Variants in WDPCP observed in about 807,000 individuals in gnomAD.
WDPCP encodes the protein WD repeat containing planar cell polarity effector, also known as WD repeat-containing and planar cell polarity effector protein fritz homolog.
In WDPCP, 71 loss-of-function variants were observed where a neutral mutation model predicts 93.1. The observed-to-expected ratio is 0.76, with a 90% CI of 0.63 to 0.93. WDPCP has a LOEUF of 0.93. Among genes scored for constraint, WDPCP ranks in the 40% least tolerant of loss-of-function variants. The pLI is 0.00. For synonymous variants in WDPCP, 315 were observed against 315.0 expected, an observed-to-expected ratio of 1.00 and a Z score of 0.00; for missense variants, 844 against 887.4, an observed-to-expected ratio of 0.95 and a Z score of 0.62.
chr2:63,324,766 G>A (rs532760193), intron 12 of WDPCP, among the ~76,000 whole-genome samples: 3 of 152,280 alleles, frequency 2.0e-5, no homozygotes, highest in South Asian at 4.2e-4. Flanking sequence ...GATCCCCACT[G>A]GGACCTCAAC....
rs184860173 is a variant in WDPCP, at chr2:63,566,088, C to G, written c.75+22109G>C. ...CAACCTCAAATTCTCCGAGAATTCC[C>G]ATCCATTTCCCTTTACTTGGTTTGC... On this transcript the variant is annotated intron_variant, in intron 1 of 17. Coordinates refer to ENST00000272321, the MANE Select transcript of WDPCP (RefSeq NM_015910.7). Among the ~76,000 whole-genome samples, 624 of 152,250 alleles carry G rather than the reference C, an allele frequency of 4.1e-3. 18 individuals are homozygous for G. Among genetic ancestry groups the G allele is most frequent in the Non-Finnish European group, 1.2e-3 (83 of 68,014 alleles).
At position 63,808,516 on chromosome 2, in the gene WDPCP, G is replaced by GT. The variant is rs960993971; in HGVS notation, n.308+5105dup. Among the ~76,000 whole-genome samples, 68 of 152,288 alleles carry GT rather than the reference G, an allele frequency of 4.5e-4. 1 individual carries two copies. The highest frequency in any genetic ancestry group is 1.5e-3 in the African/African-American group (64 of 41,562). ...GCTGCCACGCCTGACTGGTTTTCGT[G>GT]TTTTTTTGGTGGAGACGGGGTTTCG... On this transcript the variant is annotated intron_variant and non_coding_transcript_variant, in intron 2 of 4. Transcript: ENST00000467687.
chr2:63,491,636 G>C (rs1294013706), intron 2 of WDPCP, among the ~76,000 whole-genome samples: 2 of 152,118 alleles, frequency 1.3e-5, no homozygotes, highest in African/African-American at 2.4e-5. Context: ...CAGTTCAGCA[G>C]GTCGTCTTCT....
intron 1 of WDPCP, among the ~76,000 whole-genome samples, chr2:63,580,754 G>A (rs893494311): frequency 1.3e-5 from 2 of 152,176 alleles, no homozygotes; most frequent in African/African-American, 4.8e-5. Flanking sequence ...AACTGGCAGC[G>A]TGTCAACAGG....
intron 2 of WDPCP, among the ~76,000 whole-genome samples, chr2:63,735,643 C>G (rs975506738): frequency 6.6e-6 from 1 of 151,812 alleles, no homozygotes; most frequent in Admixed American, 6.6e-5. Context: ...TAAAAAGGGT[C>G]GGAGGAAGGG....
At chr2:63,659,560 A>G (rs1710204098) in intron 2 of WDPCP, among the ~76,000 whole-genome samples, 1 of 152,136 alleles carries the variant, frequency 6.6e-6, no homozygotes, top group Non-Finnish European at 1.5e-5. Flanking sequence ...GCAGCTACAA[A>G]CCAAAAAAGG....
At chr2:63,676,649 A>C (rs1710406194) in intron 2 of WDPCP, among the ~76,000 whole-genome samples, 1 of 152,202 alleles carries the variant, frequency 6.6e-6, no homozygotes. Context: ...AGAACAGATC[A>C]GTGGTTGCTA....
At chr2:63,212,284 C>A (rs957189982) in intron 14 of WDPCP, among the ~76,000 whole-genome samples, 1 of 152,198 alleles carries the variant, frequency 6.6e-6, no homozygotes, top group Non-Finnish European at 1.5e-5. Context: ...AGAAACTCTA[C>A]AAGCCAGAAG....
intron 1 of WDPCP, among the ~76,000 whole-genome samples, chr2:63,534,197 T>G (rs937413469): frequency 9.2e-5 from 14 of 152,116 alleles, no homozygotes; most frequent in African/African-American, 3.4e-4. Flanking sequence ...AATAACAGGC[T>G]CTGAAATTGA....
At chr2:63,384,646 G>A (rs1196636744) in intron 10 of WDPCP, among the ~76,000 whole-genome samples, 2 of 151,878 alleles carry the variant, frequency 1.3e-5, no homozygotes, top group African/African-American at 2.4e-5. Flanking sequence ...AGCCTCACAG[G>A]AGGCTAAGGC....
chr2:63,452,734 C>A (rs1698344143), intron 6 of WDPCP, among the ~76,000 whole-genome samples: 1 of 152,094 alleles, frequency 6.6e-6, no homozygotes, highest in Non-Finnish European at 1.5e-5. Flanking sequence ...GGTACTGGTA[C>A]CAAAACAGAG....
At chr2:63,152,580 G>C (rs1671961262) in intron 17 of WDPCP, among the ~76,000 whole-genome samples, 1 of 151,972 alleles carries the variant, frequency 6.6e-6, no homozygotes, top group African/African-American at 2.4e-5. Flanking sequence ...CCAACATCTG[G>C]TTACTCTTAA....
intron 14 of WDPCP, among the ~76,000 whole-genome samples, chr2:63,177,991 A>G (rs1015790534): frequency 4.6e-5 from 7 of 152,138 alleles, no homozygotes; most frequent in African/African-American, 9.7e-5. Flanking sequence ...ATGATTATGT[A>G]GTTCTCATCT....
At chr2:63,267,917 G>A (rs1682277019) in intron 13 of WDPCP, among the ~76,000 whole-genome samples, 1 of 152,198 alleles carries the variant, frequency 6.6e-6, no homozygotes, top group African/African-American at 2.4e-5. Flanking sequence ...ACAGTATGGA[G>A]GTTTCTTAAA....
At chr2:63,262,162 A>C (rs1004012248) in intron 13 of WDPCP, among the ~76,000 whole-genome samples, 7 of 152,274 alleles carry the variant, frequency 4.6e-5, no homozygotes, top group Admixed American at 1.3e-4. Flanking sequence ...TGGTATCAAG[A>C]TTACACTGGC....
At chr2:63,512,938 A>C (rs1209070273) in intron 1 of WDPCP, among the ~76,000 whole-genome samples, 1 of 152,132 alleles carries the variant, frequency 6.6e-6, no homozygotes, top group Non-Finnish European at 1.5e-5. Context: ...GGGATTCAAC[A>C]CAAGAACAAA....
chr2:63,252,787 C>A (rs1299957601), intron 14 of WDPCP, among the ~76,000 whole-genome samples: 1 of 152,176 alleles, frequency 6.6e-6, no homozygotes, highest in African/African-American at 2.4e-5. Flanking sequence ...GGAAAAACTT[C>A]CACGTGCCTG....
chr2:63,131,332 TTTTCA>T (rs1439170061), intron 17 of WDPCP, among the ~76,000 whole-genome samples: 4 of 152,104 alleles, frequency 2.6e-5, no homozygotes, highest in Admixed American at 6.6e-5. Flanking sequence ...TTTGATTCCC[TTTTCA>T]TTTCCTTTTG....
In WDPCP at chr2:63,209,861, G is replaced by T. The variant is rs918024133; in HGVS notation, c.1916-35029C>A. 2.6e-5 allele frequency among the ~76,000 whole-genome samples: 4 copies of T among 152,186 alleles called. No homozygotes were observed. In the East Asian group the frequency reaches 7.7e-4, roughly 29 times the overall value. Reference sequence around the variant, plus strand: ...CAGTCAACGTATACTGACATATAGCGTTCCAAAATATTTTGTTAAATTTTT... The same window carrying T: ...CAGTCAACGTATACTGACATATAGCTTTCCAAAATATTTTGTTAAATTTTT... On this transcript the variant is annotated intron_variant, in intron 14 of 17. Transcript: ENST00000272321.
Sources: gnomAD v4.1 joint callset for allele counts (sites outside exome capture counted in the v4.1 genomes callset) on GRCh38, gnomAD v4.1.1 for gene constraint, MANE v1.5 for transcripts, NCBI Gene and HGNC (gene_info 2026-07-23, HGNC 2026-07-21) for gene names.